The following ATP8B4 variants were observed in gnomAD, a reference collection of about 807,000 sequenced individuals.
ATP8B4 encodes ATPase phospholipid transporting 8B4 (putative), also known as probable phospholipid-transporting ATPase IM.
Under a neutral mutation model 145.6 loss-of-function variants are expected in ATP8B4, and 133 were observed. The ratio of observed to expected loss-of-function variants is 0.91; its 90% CI spans 0.79 to 1.05. The LOEUF is 1.05. Among genes scored for constraint, ATP8B4 ranks in the 50% least tolerant of loss-of-function variants. The probability of loss-of-function intolerance (pLI) is 0.00; values close to 1 mark genes in which losing one functional copy is unlikely to be tolerated. For missense variants in ATP8B4, 1,458 were observed against 1,425.2 expected (o/e 1.02, Z -0.37); for synonymous variants, 507 against 492.9 (o/e 1.03, Z -0.38).
chr15:49,883,050 A>G (rs1302015405), intron 23 of ATP8B4: 1 of 152,232 alleles, frequency 6.6e-6, no homozygotes, highest in Non-Finnish European at 1.5e-5. Flanking sequence ...CAATTAAATC[A>G]GTATCTCTGG....
intron 1 of ATP8B4, among the ~76,000 whole-genome samples, chr15:50,168,763 T>A (rs776789708): frequency 4.6e-5 from 7 of 152,190 alleles, no homozygotes; most frequent in Admixed American, 1.3e-4. Context: ...CTCTTGCAGC[T>A]GGTAGGTGGA....
chr15:50,076,347 C>T (rs533580465), intron 2 of ATP8B4, among the ~76,000 whole-genome samples: 13 of 152,198 alleles, frequency 8.5e-5, no homozygotes, highest in African/African-American at 3.1e-4. Flanking sequence ...CAAAAATTAG[C>T]TGGGCGTGGT....
At chr15:50,019,000 T>C in intron 6 of ATP8B4, 2 of 1,100,262 alleles carry the variant, frequency 1.8e-6, no homozygotes, top group Non-Finnish European at 2.4e-6. Flanking sequence ...AGAAACAAAG[T>C]TCGAGTCAAT....
chr15:49,900,699 C>T (rs1325679477), intron 21 of ATP8B4, among the ~76,000 whole-genome samples: 1 of 152,118 alleles, frequency 6.6e-6, no homozygotes, highest in Non-Finnish European at 1.5e-5. Context: ...GGTTGTGCTC[C>T]ACAAATCACA....
chr15:50,152,151 A>T (rs1365641048), intron 1 of ATP8B4, among the ~76,000 whole-genome samples: 2 of 152,206 alleles, frequency 1.3e-5, no homozygotes, highest in Non-Finnish European at 2.9e-5. Flanking sequence ...AGAAACCTGT[A>T]TTTAAGAGTA....
chr15:49,905,307 C>T (rs2038484657), intron 20 of ATP8B4, among the ~76,000 whole-genome samples: 1 of 152,138 alleles, frequency 6.6e-6, no homozygotes, highest in Non-Finnish European at 1.5e-5. Context: ...TGTTCAGATC[C>T]TGTTCTTTGG....
intron 6 of ATP8B4, among the ~76,000 whole-genome samples, chr15:50,025,553 C>G (rs1370698992): frequency 6.6e-6 from 1 of 152,202 alleles, no homozygotes; most frequent in Non-Finnish European, 1.5e-5. Context: ...AACTCCTAGT[C>G]ATCATTATGT....
chr15:50,110,437 C>T (rs970838130), intron 1 of ATP8B4, among the ~76,000 whole-genome samples: 3 of 152,158 alleles, frequency 2.0e-5, no homozygotes, highest in Admixed American at 2.0e-4. Flanking sequence ...ACTCGCTCCA[C>T]CTCTAAAGGT....
At chr15:50,143,126 T>C (rs2044234423) in intron 1 of ATP8B4, among the ~76,000 whole-genome samples, 1 of 152,198 alleles carries the variant, frequency 6.6e-6, no homozygotes, top group Admixed American at 6.5e-5. Flanking sequence ...AGCAAGTAAT[T>C]CTAGTTGGCT....
At chr15:50,133,872 A>T (rs549680175) in intron 1 of ATP8B4, among the ~76,000 whole-genome samples, 1 of 152,300 alleles carries the variant, frequency 6.6e-6, no homozygotes, top group East Asian at 1.9e-4. Flanking sequence ...ATGGTGGTTC[A>T]TGCATGGAAT....
In ATP8B4 at chr15:50,166,152, C is replaced by T. The variant is rs147751753; in HGVS notation, c.-43+16109G>A. ...ATCTTGAAAGTACCAAAGAATAAAA[C>T]CTATCATAGAATTCTATACTCAGTG... On this transcript the variant is annotated intron_variant, in intron 1 of 3. Coordinates refer to the ATP8B4 transcript ENST00000558829. Among the ~76,000 whole-genome samples, 259 of 152,158 alleles carry T rather than the reference C, an allele frequency of 1.7e-3. 1 individual carries two copies. The highest frequency in any genetic ancestry group is 6.0e-3 in the African/African-American group (247 of 41,504).
chr15:50,023,338 A>T (rs1346726558), intron 6 of ATP8B4, among the ~76,000 whole-genome samples: 2 of 152,214 alleles, frequency 1.3e-5, no homozygotes, highest in Non-Finnish European at 2.9e-5. Context: ...GATCGTGACC[A>T]TAATTAGGTA....
chr15:49,982,338 C>G (rs1157808670), intron 10 of ATP8B4: 1 of 152,144 alleles, frequency 6.6e-6, no homozygotes, highest in African/African-American at 2.4e-5. Flanking sequence ...CTAGCTACTG[C>G]TGTGTATAGA....
chr15:50,132,001 A>C (rs954761706), intron 1 of ATP8B4, among the ~76,000 whole-genome samples: 1 of 151,876 alleles, frequency 6.6e-6, no homozygotes, highest in African/African-American at 2.4e-5. Flanking sequence ...CCTTTCACTT[A>C]TTTTTAAAGG....
intron 6 of ATP8B4, among the ~76,000 whole-genome samples, chr15:50,036,804 T>C (rs940458091): frequency 1.3e-5 from 2 of 152,190 alleles, no homozygotes; most frequent in African/African-American, 4.8e-5. Flanking sequence ...ATGGACATTT[T>C]TGCCTGATTT....
intron 7 of ATP8B4, among the ~76,000 whole-genome samples, chr15:50,009,827 T>C (rs1599782967): frequency 1.3e-5 from 2 of 152,176 alleles, no homozygotes; most frequent in South Asian, 4.1e-4. Context: ...CACCTTTGTG[T>C]TTATTTTTGG....
intron 1 of ATP8B4, among the ~76,000 whole-genome samples, chr15:50,153,681 G>C (rs114366427): frequency 6.6e-6 from 1 of 152,092 alleles, no homozygotes; most frequent in Non-Finnish European, 1.5e-5. Context: ...AATGATGCAC[G>C]ACCTACAAAT....
chr15:50,174,772 C>G (rs2140876494), intron 1 of ATP8B4, among the ~76,000 whole-genome samples: 2 of 152,160 alleles, frequency 1.3e-5, no homozygotes, highest in Middle Eastern at 3.4e-3. Flanking sequence ...CACCAATCTT[C>G]ACAGAATTAG....
rs192772609 is a variant in ATP8B4, at chr15:49,911,942, A to T, written c.2141+4992T>A. 1.1e-4 allele frequency among the ~76,000 whole-genome samples: 17 copies of T among 152,292 alleles called. No homozygotes were observed. In the East Asian group the frequency reaches 2.3e-3, roughly 21 times the overall value. Reference sequence around the variant, plus strand: ...ATGTTCCTGAATGAATACTGGGCCAATGAAAAAAGTAAGATGAAAATGAAA... The same window carrying T: ...ATGTTCCTGAATGAATACTGGGCCATTGAAAAAAGTAAGATGAAAATGAAA... On this transcript the variant is annotated intron_variant, in intron 20 of 27. Transcript: ENST00000284509.
Sources: allele counts gnomAD v4.1 joint callset (sites outside exome capture counted in the v4.1 genomes callset), GRCh38; gene constraint gnomAD v4.1.1; transcripts MANE v1.5; gene names NCBI Gene and HGNC (gene_info 2026-07-23, HGNC 2026-07-21).